ZNF668: variants seen among roughly 807,000 people sequenced by gnomAD.
ZNF668 encodes the protein zinc finger protein 668.
A neutral mutation model predicts 40.3 loss-of-function variants in ZNF668; 10 were observed. That is an observed-to-expected ratio of 0.25 (90% CI 0.15 to 0.42). The LOEUF (loss-of-function observed/expected upper bound fraction) is 0.42. Among genes scored for constraint, ZNF668 ranks in the 10% least tolerant of loss-of-function variants. The pLI is 1.00. For synonymous variants in ZNF668, 428 were observed against 384.6 expected, an observed-to-expected ratio of 1.11 and a Z score of -1.32; for missense variants, 749 against 904.6, an observed-to-expected ratio of 0.83 and a Z score of 2.21.
At position 31,061,359 on chromosome 16, in the gene ZNF668, C is replaced by T; in HGVS notation, c.1569G>A (p.Glu523=). 4 of 1,612,866 alleles carry T rather than the reference C, an allele frequency of 2.5e-6. No homozygotes were observed. Among genetic ancestry groups the T allele is most frequent in the Non-Finnish European group, 3.4e-6 (4 of 1,179,294 alleles). The change falls in exon 3 of 3, where the codon GAG becomes GAA. Residue 523 remains glutamate, a synonymous_variant. Transcript: ENST00000300849. The surrounding 1 kb of genome is among the most constrained non-coding windows in gnomAD (Gnocchi z 7.7). ...PPQFVCRECK[E]TFSTMTLLRR... is the part of the protein sequence containing the mutation. ...GCAGCAGCGTCATTGTGGAGAAGGT[C>T]TCCTTGCACTCTCGGCACACAAACT...
chr16:31,063,834 T>G lies in ZNF668; in HGVS notation c.626A>C (p.Lys209Thr). ...TCACCGCTCATGGTTGCGGAGGTCCTTGAGCTCCGCATAGGCTTTGCCGCA... is the reference window on the plus strand; with the variant it reads ...TCACCGCTCATGGTTGCGGAGGTCCGTGAGCTCCGCATAGGCTTTGCCGCA... Reference protein sequence around the residue: ...ERCGKAYAELKDLRNHERSHT... With the variant: ...ERCGKAYAELTDLRNHERSHT... Residue 209 changes from lysine (K) to threonine (T), a missense_variant, in exon 2 of 3, where the codon AAG becomes ACG. By Grantham distance (78) the Lys-to-Thr change is moderately conservative (BLOSUM62 -1). Around this residue, in one of 4 missense-constraint regions of ZNF668, gnomAD observed 151 missense variants for 178.6 expected, o/e 0.85. Transcript: ENST00000300849. The G allele has an allele frequency of 1.3e-6, 2 of 1,580,340 alleles. No individual in the cohort carries two copies. Among genetic ancestry groups the G allele is most frequent in the Non-Finnish European group, 1.7e-6 (2 of 1,158,528 alleles).
In ZNF668 at chr16:31,064,101, C is replaced by T. The variant is rs374266699; in HGVS notation, c.359G>A (p.Arg120His). Residue 120 changes from arginine (R) to histidine (H), a missense_variant, in exon 2 of 3, where the codon CGC (arginine) becomes CAC (histidine). Around this residue, in one of 4 missense-constraint regions of ZNF668, gnomAD observed 151 missense variants for 178.6 expected, o/e 0.85. Coordinates refer to ENST00000300849, the MANE Select transcript of ZNF668 (RefSeq NM_024706.5). The part of the protein sequence containing the change: ...KPFPCPECGR[R>H]FMQPVCLRVH... ...GCGCAGGCACACGGGCTGCATGAAG[C>T]GGCGGCCGCACTCGGGGCACGGAAA... The T allele has an allele frequency of 1.2e-6, 2 of 1,604,830 alleles. No individual in the cohort carries two copies. The highest frequency in any genetic ancestry group is 1.7e-6 in the Non-Finnish European group (2 of 1,177,176).
rs371597768 is a variant in ZNF668, at chr16:31,064,407, G to A, written c.53C>T (p.Ser18Leu). The change falls in exon 2 of 3, where the codon TCG (serine) becomes TTG (leucine). Residue 18 changes from serine (S) to leucine (L), a missense_variant. Physicochemically the swap from Ser to Leu is moderately radical, Grantham distance 145. This residue lies in a region of ZNF668 where 159 missense variants were observed against 139.8 expected (regional missense o/e 1.14). Transcript: ENST00000300849. ...ARSPAPGYKRSGRRYKCLSCT... is the reference protein window; with the variant it reads ...ARSPAPGYKRLGRRYKCLSCT... ...GGACAGGCACTTGTAGCGGCGGCCC[G>A]AGCGCTTGTAGCCGGGGGCTGGGGA... The A allele has an allele frequency of 9.3e-6, 15 of 1,613,248 alleles. No individual in the cohort carries two copies. Among genetic ancestry groups the A allele is most frequent in the Admixed American group, 1.7e-5 (1 of 60,036 alleles).
chr16:31,063,675 T>G, intron 2 of ZNF668, 138 bp downstream of exon 2: 1 of 1,017,420 alleles, frequency 9.8e-7, no homozygotes, highest in Non-Finnish European at 1.4e-6. Context: ...CCCACATGCC[T>G]AGCCCCTCCC....
Position 31,061,411 on chromosome 16 carries a change from C to G in ZNF668, c.1517G>C (p.Gly506Ala), listed in dbSNP as rs1407997587. 2 of 1,613,758 alleles carry G rather than the reference C, an allele frequency of 1.2e-6. No homozygotes were observed. Among genetic ancestry groups the G allele is most frequent in the East Asian group, 2.2e-5 (1 of 44,876 alleles). The change falls in exon 3 of 3, where the codon GGT becomes GCT. Residue 506 changes from glycine (G) to alanine (A), a missense_variant. Transcript: ENST00000300849. This position sits in a 1 kb window ranked among gnomAD's most constrained non-coding sequence, Gnocchi z 7.7. ...GGGGGGCTTCTCGTCAGCCTCCTCA[C>G]CCCCCGCCTCGCCTGCCCCTTCCAA... The part of the protein sequence containing the change: ...GPLEGAGEAG[G>A]EEADEKPPQF...
At chr16:31,069,666 T>G (rs1434250853) in intron 1 of ZNF668, among the ~76,000 whole-genome samples, 3 of 152,096 alleles carry the variant, frequency 2.0e-5, no homozygotes, top group Non-Finnish European at 4.4e-5. Context: ...TCTTTATTAT[T>G]ATTATTATTT....
rs149380167 is a variant in ZNF668 at position 31,064,031 on chromosome 16, C to G, written c.429G>C (p.Ala143=). ...SHAGELPFRC[A]HCPKAYGALS... ...GCGCGCCATAGGCCTTCGGGCAGTG[C>G]GCACAGCGGAAGGGCAGTTCGCCAG... The change falls in exon 2 of 3, where the codon GCG becomes GCC. Residue 143 remains alanine, a synonymous_variant. Coordinates refer to ENST00000300849, the MANE Select transcript of ZNF668 (RefSeq NM_024706.5). 6.2e-7 allele frequency: 1 copy of G among 1,604,682 alleles called. No individual in the cohort carries two copies. Among genetic ancestry groups the G allele is most frequent in the Non-Finnish European group, 8.5e-7 (1 of 1,173,958 alleles).
chr16:31,065,808 C>T (rs529415509), intron 1 of ZNF668, among the ~76,000 whole-genome samples: 18 of 150,982 alleles, frequency 1.2e-4, no homozygotes, highest in Admixed American at 3.3e-4. Context: ...GAGCCAAGAT[C>T]GTGCCACCGC....
Position 31,062,118 on chromosome 16 carries a change from G to C in ZNF668, c.810C>G (p.His270Gln). The C allele has an allele frequency of 1.2e-6, 2 of 1,613,880 alleles. No homozygotes were observed. The highest frequency in any genetic ancestry group is 8.5e-7 in the Non-Finnish European group (1 of 1,179,864). ...GFTQLSSYQS[H>Q]ERTHSGEKPF... The stretch of plus-strand genomic sequence containing the variant: ...GCTTCTCCCCCGAGTGCGTGCGCTC[G>C]TGGCTCTGGTAGGAACTGAGCTGCG... Residue 270 changes from histidine to glutamine, a missense_variant, in exon 3 of 3, where the codon CAC (histidine) becomes CAG (glutamine). By Grantham distance (24) the His-to-Gln change is conservative. Transcript: ENST00000300849.
In ZNF668 at chr16:31,062,468, CCTGTCT is replaced by C. The variant is rs1011764782; in HGVS notation, c.648-194_648-189del. Reference sequence around the variant, plus strand: ...TGGCTGGGTGTCTCTATTCCAAAGACCTGTCTCTGCACATTAAAGACCAAGATATGG... The same window carrying C: ...TGGCTGGGTGTCTCTATTCCAAAGACCTGCACATTAAAGACCAAGATATGG... On this transcript the variant is annotated intron_variant, in intron 2 of 2. Transcript: ENST00000300849. 1.0e-4 allele frequency: 81 copies of C among 787,124 alleles called. No homozygotes were observed. In the African/African-American group the frequency reaches 1.1e-3, roughly 10 times the overall value. The allele number at this position is 787,124 out of a possible 1,614,324, so 48.8% of individuals were successfully genotyped here.
chr16:31,072,494 G>C (rs912814729), intron 1 of ZNF668, among the ~76,000 whole-genome samples: 1 of 152,194 alleles, frequency 6.6e-6, no homozygotes, highest in Non-Finnish European at 1.5e-5. Flanking sequence ...GCTTAGGAAG[G>C]GGATGAAGTT....
Position 31,061,069 on chromosome 16 carries a change from C to T in ZNF668, c.1859G>A (p.Ter620=), listed in dbSNP as rs74720434. 3.7e-3 allele frequency: 5,581 copies of T among 1,491,286 alleles called. 170 individuals carry two copies. The African/African-American group carries it at 0.07, about 19-fold the overall frequency. The allele number at this position is 1,491,286 out of a possible 1,614,324, so 92.4% of individuals were successfully genotyped here. ...LLGMPEEGPA[*] is the part of the protein sequence containing the mutation. ...TGTGGTGCTGGGGGGTCATGGGCTT[C>T]AGGCCGGCCCCTCTTCAGGCATTCC... The change falls in exon 3 of 3, where the codon TGA becomes TAA. Residue 620 remains the stop codon, a stop_retained_variant. Transcript: ENST00000300849. The surrounding 1 kb of genome is among the most constrained non-coding windows in gnomAD (Gnocchi z 7.7).
Position 31,063,846 on chromosome 16 carries a change from T to TA in ZNF668, c.613dup (p.Tyr205LeufsTer11), listed in dbSNP as rs1567399357. 1 of 1,590,886 alleles carries TA rather than the reference T, an allele frequency of 6.3e-7. No homozygotes were observed. Among genetic ancestry groups the TA allele is most frequent in the Non-Finnish European group, 8.6e-7 (1 of 1,166,428 alleles). Reference sequence around the variant, plus strand: ...GTTGCGGAGGTCCTTGAGCTCCGCATAGGCTTTGCCGCAACGCTCACAGCT... The same window carrying TA: ...GTTGCGGAGGTCCTTGAGCTCCGCATAAGGCTTTGCCGCAACGCTCACAGCT... On this transcript the variant is annotated frameshift_variant, in exon 2 of 3. Transcript: ENST00000300849. LOFTEE classifies it high-confidence loss of function.
intron 1 of ZNF668, among the ~76,000 whole-genome samples, chr16:31,072,194 C>T (rs1197334826): frequency 6.6e-6 from 1 of 152,170 alleles, no homozygotes; most frequent in African/African-American, 2.4e-5. Context: ...TCACCAGCAC[C>T]AGAGTCCAGG....
Position 31,061,075 on chromosome 16 carries a change from G to A in ZNF668, c.1853C>T (p.Pro618Leu), listed in dbSNP as rs1266586185. The A allele has an allele frequency of 5.4e-6, 8 of 1,493,170 alleles. No individual in the cohort carries two copies. In the African/African-American group the frequency reaches 8.5e-5, roughly 16 times the overall value. The allele number at this position is 1,493,170 out of a possible 1,614,324, so 92.5% of individuals were successfully genotyped here. Reference protein sequence around the residue: ...VALLGMPEEGPA With the variant: ...VALLGMPEEGLA Reference sequence around the variant, plus strand: ...GCTGGGGGGTCATGGGCTTCAGGCCGGCCCCTCTTCAGGCATTCCTAGCAA... The same window carrying A: ...GCTGGGGGGTCATGGGCTTCAGGCCAGCCCCTCTTCAGGCATTCCTAGCAA... The change falls in exon 3 of 3, where the codon CCG becomes CTG. Residue 618 changes from proline (P) to leucine (L), a missense_variant. Pro to Leu is a moderately conservative substitution (Grantham distance 98). This residue lies in a region of ZNF668 where 310 missense variants were observed against 355.1 expected (regional missense o/e 0.87). Transcript: ENST00000300849. This position sits in a 1 kb window ranked among gnomAD's most constrained non-coding sequence, Gnocchi z 7.7.
At position 31,062,268 on chromosome 16, in the gene ZNF668, G is replaced by A. The variant is rs377501602; in HGVS notation, c.660C>T (p.Gly220=). Residue 220 remains glycine (G), a synonymous_variant, in exon 3 of 3, where the codon GGC becomes GGT. Transcript: ENST00000300849. ...ACTCGGAGCAGAGGAAGGGGCGCTC[G>A]CCGGTGTGGGACCTGCGGGGGTGTG... ...DLRNHERSHT[G]ERPFLCSECG... is the part of the protein sequence containing the mutation. 13 of 1,602,522 alleles carry A rather than the reference G, an allele frequency of 8.1e-6. No individual in the cohort carries two copies. The highest frequency in any genetic ancestry group is 2.2e-5 in the South Asian group (2 of 89,844).
Position 31,062,171 on chromosome 16 carries a change from G to C in ZNF668, c.757C>G (p.Arg253Gly). The part of the protein sequence containing the change: ...QRIHAAQKPY[R>G]CPACGKGFTQ... ...AAGCCCTTGCCGCAGGCCGGGCAGCGGTAGGGCTTCTGTGCCGCGTGGATG... is the reference window on the plus strand; with the variant it reads ...AAGCCCTTGCCGCAGGCCGGGCAGCCGTAGGGCTTCTGTGCCGCGTGGATG... Residue 253 changes from arginine (R) to glycine (G), a missense_variant, in exon 3 of 3, where the codon CGC becomes GGC. Arg to Gly is a moderately radical substitution (Grantham distance 125). This residue lies in a region of ZNF668 where 129 missense variants were observed against 231.2 expected (regional missense o/e 0.56). Coordinates refer to ENST00000300849, the MANE Select transcript of ZNF668 (RefSeq NM_024706.5). 1.2e-6 allele frequency: 2 copies of C among 1,613,926 alleles called. No homozygotes were observed. Among genetic ancestry groups the C allele is most frequent in the Non-Finnish European group, 1.7e-6 (2 of 1,179,922 alleles).
At chr16:31,067,755 C>T (rs773054363) in intron 1 of ZNF668, among the ~76,000 whole-genome samples, 1 of 152,132 alleles carries the variant, frequency 6.6e-6, no homozygotes, top group Non-Finnish European at 1.5e-5. Context: ...AAGTGACTTG[C>T]CCATGGTCCC....
chr16:31,073,047 A>G (rs1014697616), intron 1 of ZNF668: 5 of 150,890 alleles, frequency 3.3e-5, no homozygotes, highest in African/African-American at 1.2e-4. Context: ...AAGCGCGCCG[A>G]GGAGCCGAGA....
Sources: gnomAD v4.1 joint callset for allele counts (sites outside exome capture counted in the v4.1 genomes callset) on GRCh38, gnomAD v4.1.1 for gene constraint, gnomAD v4.1.1 regional missense constraint, Gnocchi (gnomAD v3.1) non-coding constraint, MANE v1.5 for transcripts, NCBI Gene and HGNC (gene_info 2026-07-23, HGNC 2026-07-21) for gene names.